Variants in ZNF703 observed in about 807,000 individuals in gnomAD.
ZNF703 encodes the protein NocA-like zinc finger 1.
ZNF703 carries 18 observed loss-of-function variants against 30.7 expected under a neutral mutation model. That is an observed-to-expected ratio of 0.59 (90% CI 0.40 to 0.87). The LOEUF (loss-of-function observed/expected upper bound fraction) is 0.87. ZNF703 is among the 40% of genes least tolerant of loss of function. The probability of loss-of-function intolerance (pLI) is 0.00; values close to 1 mark genes in which losing one functional copy is unlikely to be tolerated. For missense variants in ZNF703, 814 were observed against 847.8 expected (o/e 0.96, Z 0.50); for synonymous variants, 457 against 438.6 (o/e 1.04, Z -0.52).
rs761542122 is a variant in ZNF703, at chr8:37,698,649, C to A, written c.1748C>A (p.Ser583Ter). The A allele has an allele frequency of 2.0e-6, 3 of 1,483,594 alleles. No homozygotes were observed. Among genetic ancestry groups the A allele is most frequent in the African/African-American group, 2.9e-5 (2 of 68,790 alleles). 91.9% of individuals were successfully genotyped at this position (1,483,594 alleles called of 1,614,324 possible). ...GCGCTGTATGGACAGAGACTAGCTT[C>A]AGCCTCGGCGCTGGGATACCAGTAA... is the stretch of plus-strand genomic sequence containing the variant. ...PYALYGQRLA[S>*]ASALGYQ is the part of the protein sequence containing the mutation. The change falls in exon 2 of 2, where the codon TCA becomes TAA. Residue 583 changes from serine to a stop codon, truncating the protein, a stop_gained. Transcript: ENST00000331569. LOFTEE classifies it high-confidence loss of function.
In ZNF703 at chr8:37,696,885, G is replaced by T. The variant is rs915076734; in HGVS notation, c.244-260G>T. Among the ~76,000 whole-genome samples, 23 of 152,182 alleles carry T rather than the reference G, an allele frequency of 1.5e-4. No homozygotes were observed. The highest frequency in any genetic ancestry group is 7.4e-5 in the Non-Finnish European group (5 of 68,012). On this transcript the variant is annotated intron_variant, in intron 1 of 1. Transcript: ENST00000331569. The surrounding 1 kb of genome is among the most constrained non-coding windows in gnomAD (Gnocchi z 8.2). ...GAGGGAAGTGGCGAGTCACAGCCCC[G>T]ACTCCAGAGACGTCACCTTCTCCCG... is the stretch of plus-strand genomic sequence containing the variant.
At position 37,698,090 on chromosome 8, in the gene ZNF703, T is replaced by C; in HGVS notation, c.1189T>C (p.Ser397Pro). The change falls in exon 2 of 2, where the codon TCC (serine) becomes CCC (proline). Residue 397 changes from serine (S) to proline (P), a missense_variant. Physicochemically the swap from Ser to Pro is moderately conservative, Grantham distance 74. Transcript: ENST00000331569. ...CTCGCACCTCGGCGGCTCCAGCTGC[T>C]CCACCTGCAGCGCGCACGACCCTGC... is the stretch of plus-strand genomic sequence containing the variant. ...GASHLGGSSC[S>P]TCSAHDPAGP... 1 of 1,538,720 alleles carries C rather than the reference T, an allele frequency of 6.5e-7. No individual in the cohort carries two copies. The highest frequency in any genetic ancestry group is 8.7e-7 in the Non-Finnish European group (1 of 1,148,972).
At position 37,696,336 on chromosome 8, in the gene ZNF703, G is replaced by T. The variant is rs1289515108; in HGVS notation, c.243+114G>T. 4 of 1,421,598 alleles carry T rather than the reference G, an allele frequency of 2.8e-6. No individual in the cohort carries two copies. The African/African-American group carries it at 6.0e-5, about 21-fold the overall frequency. 88.1% of individuals were successfully genotyped at this position (1,421,598 alleles called of 1,614,324 possible). On this transcript the variant is annotated intron_variant, in intron 1 of 1. Coordinates refer to ENST00000331569, the MANE Select transcript of ZNF703 (RefSeq NM_025069.3). This position sits in a 1 kb window ranked among gnomAD's most constrained non-coding sequence, Gnocchi z 8.2. ...CGGTGCGACACCCAAGTCTGGTCAC[G>T]CTGGCGGGCTGAGTGAGGAGGGGAA... is the stretch of plus-strand genomic sequence containing the variant.
intron 1 of ZNF703, 56 bp from the exon 2 acceptor site, chr8:37,697,089 C>A: frequency 7.0e-7 from 1 of 1,435,340 alleles, no homozygotes; most frequent in Non-Finnish European, 9.1e-7. Flanking sequence ...CCCCGCTCGC[C>A]CCGCAGGCCT....
At position 37,696,943 on chromosome 8, in the gene ZNF703, C is replaced by G. The variant is rs900813964; in HGVS notation, c.244-202C>G. Among the ~76,000 whole-genome samples the G allele has an allele frequency of 2.0e-5, 3 of 152,136 alleles. No homozygotes were observed. The highest frequency in any genetic ancestry group is 2.0e-4 in the Admixed American group (3 of 15,276). ...CCTGGGTGAACTCCTTCCGCAGGGC[C>G]TGCGGCGCACCCCGGGACCCAGCGG... On this transcript the variant is annotated intron_variant, in intron 1 of 1. Transcript: ENST00000331569. This position sits in a 1 kb window ranked among gnomAD's most constrained non-coding sequence, Gnocchi z 8.2.
Position 37,698,093 on chromosome 8 carries a change from A to C in ZNF703, c.1192A>C (p.Thr398Pro), listed in dbSNP as rs754451955. 1 of 1,537,476 alleles carries C rather than the reference A, an allele frequency of 6.5e-7. No individual in the cohort carries two copies. Among genetic ancestry groups the C allele is most frequent in the South Asian group, 1.2e-5 (1 of 84,062 alleles). The part of the protein sequence containing the change: ...ASHLGGSSCS[T>P]CSAHDPAGPS... Reference sequence around the variant, plus strand: ...GCACCTCGGCGGCTCCAGCTGCTCCACCTGCAGCGCGCACGACCCTGCCGG... The same window carrying C: ...GCACCTCGGCGGCTCCAGCTGCTCCCCCTGCAGCGCGCACGACCCTGCCGG... The change falls in exon 2 of 2, where the codon ACC (threonine) becomes CCC (proline). Residue 398 changes from threonine to proline, a missense_variant. Thr to Pro is a conservative substitution (Grantham distance 38). Coordinates refer to ENST00000331569, the MANE Select transcript of ZNF703 (RefSeq NM_025069.3).
At position 37,696,286 on chromosome 8, in the gene ZNF703, A is replaced by C; in HGVS notation, c.243+64A>C. 3 of 1,485,606 alleles carry C rather than the reference A, an allele frequency of 2.0e-6. No individual in the cohort carries two copies. The highest frequency in any genetic ancestry group is 1.3e-5 in the South Asian group (1 of 76,218). 92.0% of individuals were successfully genotyped at this position (1,485,606 alleles called of 1,614,324 possible). A position where few individuals can be genotyped will look rare whatever the true frequency, so the allele number is the denominator to read the frequency against. On this transcript the variant is annotated intron_variant, in intron 1 of 1. Coordinates refer to ENST00000331569, the MANE Select transcript of ZNF703 (RefSeq NM_025069.3). This position sits in a 1 kb window ranked among gnomAD's most constrained non-coding sequence, Gnocchi z 8.2. ...TCCTCCCACCGCGACCGGGACCCTG[A>C]CCCAGCTCCCAGCGCCCCGGGGCTC...
chr8:37,697,883 T>C lies in ZNF703; in HGVS notation c.982T>C (p.Ser328Pro). The change falls in exon 2 of 2, where the codon TCT becomes CCT. Residue 328 changes from serine to proline, a missense_variant. Ser to Pro is a moderately conservative substitution (Grantham distance 74, BLOSUM62 -1). Transcript: ENST00000331569. The stretch of plus-strand genomic sequence containing the variant: ...CGTGGGCGCCTACGCCGGCTACCCG[T>C]CTCAGTTCGTGCCTGGCCTGGATCC... ...SIVGAYAGYP[S>P]QFVPGLDPSK... The C allele has an allele frequency of 6.4e-7, 1 of 1,553,570 alleles. No homozygotes were observed. Among genetic ancestry groups the C allele is most frequent in the Non-Finnish European group, 8.7e-7 (1 of 1,155,814 alleles).
Position 37,699,794 on chromosome 8 carries a change from TG to T in ZNF703, c.*1124del, listed in dbSNP as rs1802139464. The T allele has an allele frequency of 1.3e-5, 2 of 152,354 alleles. No individual in the cohort carries two copies. The highest frequency in any genetic ancestry group is 3.9e-4 in the East Asian group (2 of 5,168). 9.4% of individuals were successfully genotyped at this position (152,354 alleles called of 1,614,324 possible). A position where few individuals can be genotyped will look rare whatever the true frequency, so the allele number is the denominator to read the frequency against. On this transcript the variant is annotated 3_prime_UTR_variant, in exon 2 of 2. Transcript: ENST00000331569. ...CTCGTTAGCTGCGTTCGGGGAAGGT[TG>T]GGGCGTCAGGGAGCTCTCGGATCAC...
At position 37,698,807 on chromosome 8, in the gene ZNF703, C is replaced by T. The variant is rs191816327; in HGVS notation, c.*133C>T. On this transcript the variant is annotated 3_prime_UTR_variant, in exon 2 of 2. Transcript: ENST00000331569. Reference sequence around the variant, plus strand: ...GGATTCCCCACCCAGCCCTTCCCCACCGGACTGTGTATTTATTTACTATAA... The same window carrying T: ...GGATTCCCCACCCAGCCCTTCCCCATCGGACTGTGTATTTATTTACTATAA... The T allele has an allele frequency of 4.3e-6, 3 of 701,796 alleles. No homozygotes were observed. In the African/African-American group the frequency reaches 5.6e-5, roughly 13 times the overall value. The allele number at this position is 701,796 out of a possible 1,614,324, so 43.5% of individuals were successfully genotyped here.
Position 37,696,222 on chromosome 8 carries a change from G to A in ZNF703, c.243G>A (p.Glu81=). The stretch of plus-strand genomic sequence containing the variant: ...CCTCCACTCCCGTCAGCCCCATTGA[G>A]GTCAGTCCCCGGCCGCTGCCCCCGG... The part of the protein sequence containing the change: ...PLSSTPVSPI[E]LDAKKSPLAL... The change falls in exon 1 of 2, where the codon GAG becomes GAA. Residue 81 remains glutamate (E), a splice_region_variant and synonymous_variant. Coordinates refer to ENST00000331569, the MANE Select transcript of ZNF703 (RefSeq NM_025069.3). The surrounding 1 kb of genome is among the most constrained non-coding windows in gnomAD (Gnocchi z 8.2). 6.2e-7 allele frequency: 1 copy of A among 1,601,892 alleles called. No individual in the cohort carries two copies. The highest frequency in any genetic ancestry group is 8.5e-7 in the Non-Finnish European group (1 of 1,174,796).
At position 37,697,866 on chromosome 8, in the gene ZNF703, C is replaced by T; in HGVS notation, c.965C>T (p.Ala322Val). Residue 322 changes from alanine to valine, a missense_variant, in exon 2 of 2, where the codon GCC becomes GTC. Physicochemically the swap from Ala to Val is moderately conservative, Grantham distance 64. Transcript: ENST00000331569. ...SIGYHGSIVG[A>V]YAGYPSQFVP... Reference sequence around the variant, plus strand: ...GGCTACCACGGCTCCATCGTGGGCGCCTACGCCGGCTACCCGTCTCAGTTC... The same window carrying T: ...GGCTACCACGGCTCCATCGTGGGCGTCTACGCCGGCTACCCGTCTCAGTTC... 1 of 1,547,244 alleles carries T rather than the reference C, an allele frequency of 6.5e-7. No homozygotes were observed. The highest frequency in any genetic ancestry group is 8.7e-7 in the Non-Finnish European group (1 of 1,152,574).
rs1342238465 is a variant in ZNF703 at position 37,698,471 on chromosome 8, G to A, written c.1570G>A (p.Ala524Thr). Residue 524 changes from alanine to threonine, a missense_variant, in exon 2 of 2, where the codon GCC becomes ACC. Transcript: ENST00000331569. ...CTGCCATCTGCACCTCCCCCCGCCC[G>A]CCGCCCCCGGCAGCCCCGGGTCGCT... ...ASCHLHLPPP[A>T]APGSPGSLSL... 6 of 1,490,824 alleles carry A rather than the reference G, an allele frequency of 4.0e-6. No homozygotes were observed. The highest frequency in any genetic ancestry group is 1.3e-5 in the South Asian group (1 of 77,222). The allele number at this position is 1,490,824 out of a possible 1,614,324, so 92.3% of individuals were successfully genotyped here.
chr8:37,696,174 C>G lies in ZNF703; in HGVS notation c.195C>G (p.His65Gln). The G allele has an allele frequency of 6.2e-7, 1 of 1,612,066 alleles. No homozygotes were observed. ...GCGCTCACACCGGTCACCTCCTGCA[C>G]CCGGAGTACCTGCAGCCGCTGTCCT... ...MLSAHTGHLL[H>Q]PEYLQPLSST... Residue 65 changes from histidine to glutamine, a missense_variant, in exon 1 of 2, where the codon CAC becomes CAG. Coordinates refer to ENST00000331569, the MANE Select transcript of ZNF703 (RefSeq NM_025069.3). The surrounding 1 kb of genome is among the most constrained non-coding windows in gnomAD (Gnocchi z 8.2).
rs575162059 is a variant in ZNF703, at chr8:37,696,249, C to T, written c.243+27C>T. 6.4e-7 allele frequency: 1 copy of T among 1,555,244 alleles called. No homozygotes were observed. The highest frequency in any genetic ancestry group is 8.7e-7 in the Non-Finnish European group (1 of 1,148,808). ...TCAGTCCCCGGCCGCTGCCCCCGGG[C>T]GCCGGCCCCATTCCTCCCACCGCGA... On this transcript the variant is annotated intron_variant, in intron 1 of 1. Coordinates refer to ENST00000331569, the MANE Select transcript of ZNF703 (RefSeq NM_025069.3). This position sits in a 1 kb window ranked among gnomAD's most constrained non-coding sequence, Gnocchi z 8.2.
Position 37,698,391 on chromosome 8 carries a change from A to C in ZNF703, c.1490A>C (p.Tyr497Ser). The C allele has an allele frequency of 6.6e-7, 1 of 1,519,022 alleles. No homozygotes were observed. Among genetic ancestry groups the C allele is most frequent in the Non-Finnish European group, 8.8e-7 (1 of 1,134,712 alleles). The allele number at this position is 1,519,022 out of a possible 1,614,324, so 94.1% of individuals were successfully genotyped here. A position where few individuals can be genotyped will look rare whatever the true frequency, so the allele number is the denominator to read the frequency against. Residue 497 changes from tyrosine to serine, a missense_variant, in exon 2 of 2, where the codon TAC (tyrosine) becomes TCC (serine). Tyr to Ser is a moderately radical substitution (Grantham distance 144, BLOSUM62 -2). Transcript: ENST00000331569. ...GGAGCCGAGAAACTTCTGGCCGCCT[A>C]CCCCGGGGCCTCGGGCCTGGGCAGC... is the stretch of plus-strand genomic sequence containing the variant. ...LPGAEKLLAA[Y>S]PGASGLGSAA... is the part of the protein sequence containing the mutation.
chr8:37,696,566 G>A lies in ZNF703; in HGVS notation c.243+344G>A, dbSNP rs965195244. On this transcript the variant is annotated intron_variant, in intron 1 of 1. Transcript: ENST00000331569. This position sits in a 1 kb window ranked among gnomAD's most constrained non-coding sequence, Gnocchi z 8.2. ...CTGGGTCTTCCCCGCCCCCCACGCC[G>A]GGCTGTTTTCTTTGAAGCCCTGGCT... 8.5e-5 allele frequency among the ~76,000 whole-genome samples: 13 copies of A among 152,074 alleles called. No individual in the cohort carries two copies. The highest frequency in any genetic ancestry group is 1.3e-4 in the Non-Finnish European group (9 of 67,988).
Position 37,698,658 on chromosome 8 carries a change from C to A in ZNF703, c.1757C>A (p.Ala586Glu). The A allele has an allele frequency of 6.8e-7, 1 of 1,464,464 alleles. No homozygotes were observed. Among genetic ancestry groups the A allele is most frequent in the Non-Finnish European group, 9.0e-7 (1 of 1,105,456 alleles). 90.7% of individuals were successfully genotyped at this position (1,464,464 alleles called of 1,614,324 possible). A position where few individuals can be genotyped will look rare whatever the true frequency, so the allele number is the denominator to read the frequency against. ...GGACAGAGACTAGCTTCAGCCTCGG[C>A]GCTGGGATACCAGTAACTACAGCTC... ...LYGQRLASASALGYQ is the reference protein window; with the variant it reads ...LYGQRLASASELGYQ The change falls in exon 2 of 2, where the codon GCG (alanine) becomes GAG (glutamate). Residue 586 changes from alanine to glutamate, a missense_variant. Ala to Glu is a moderately radical substitution (Grantham distance 107). Transcript: ENST00000331569.
Position 37,698,461 on chromosome 8 carries a change from C to T in ZNF703, c.1560C>T (p.Leu520=). Residue 520 remains leucine, a synonymous_variant, in exon 2 of 2, where the codon CTC becomes CTT. Coordinates refer to ENST00000331569, the MANE Select transcript of ZNF703 (RefSeq NM_025069.3). The stretch of plus-strand genomic sequence containing the variant: ...CCGCCGCCTCCTGCCATCTGCACCT[C>T]CCCCCGCCCGCCGCCCCCGGCAGCC... ...AAAAASCHLH[L]PPPAAPGSPG... 1 of 1,492,106 alleles carries T rather than the reference C, an allele frequency of 6.7e-7. No individual in the cohort carries two copies. Among genetic ancestry groups the T allele is most frequent in the South Asian group, 1.3e-5 (1 of 76,444 alleles). 92.4% of individuals were successfully genotyped at this position (1,492,106 alleles called of 1,614,324 possible).
Sources: gnomAD v4.1 joint callset for allele counts (sites outside exome capture counted in the v4.1 genomes callset) on GRCh38, gnomAD v4.1.1 for gene constraint, Gnocchi (gnomAD v3.1) non-coding constraint, MANE v1.5 for transcripts, NCBI Gene and HGNC (gene_info 2026-07-23, HGNC 2026-07-21) for gene names.